The following KDM4D variants were observed in gnomAD, a reference collection of about 807,000 sequenced individuals.
The protein encoded by KDM4D is lysine demethylase 4D.
For synonymous variants in KDM4D, 254 were observed against 249.1 expected (o/e 1.02, Z -0.19); for missense variants, 427 against 674.8 (o/e 0.63, Z 4.07).
intron 2 of KDM4D, among the ~76,000 whole-genome samples, chr11:94,996,214 A>G (rs12794312): frequency 0.036 from 5,406 of 152,176 alleles, 139 homozygotes; most frequent in Non-Finnish European, 0.052. Context: ...CCTAAACCCT[A>G]TTTTTAAATG....
intron 2 of KDM4D, among the ~76,000 whole-genome samples, chr11:94,984,406 G>A (rs1555097915): frequency 6.6e-6 from 1 of 151,926 alleles, no homozygotes. Flanking sequence ...GAGGTGGGAG[G>A]ATGGCTTGAG....
chr11:94,995,148 A>G (rs1385632676), intron 2 of KDM4D, among the ~76,000 whole-genome samples: 1 of 152,230 alleles, frequency 6.6e-6, no homozygotes, highest in Non-Finnish European at 1.5e-5. Flanking sequence ...CAAGACACAG[A>G]TTATGTTCTC....
intron 2 of KDM4D, among the ~76,000 whole-genome samples, chr11:94,977,712 A>G (rs1436955759): frequency 6.6e-6 from 1 of 152,004 alleles, no homozygotes; most frequent in East Asian, 1.9e-4. Flanking sequence ...ATGACCCTAT[A>G]TAATTTAGTT....
chr11:94,990,811 G>T (rs1221748094), intron 2 of KDM4D, among the ~76,000 whole-genome samples: 7 of 152,158 alleles, frequency 4.6e-5, no homozygotes, highest in Non-Finnish European at 8.8e-5. Context: ...GGTACCTCTG[G>T]GAGTGACAGT....
chr11:94,975,134 C>G (rs1188469662), intron 1 of KDM4D, among the ~76,000 whole-genome samples: 2 of 152,130 alleles, frequency 1.3e-5, no homozygotes, highest in African/African-American at 4.8e-5. Context: ...ATTTTAGGGC[C>G]TTTGCACTAG....
At chr11:94,989,916 G>A (rs891431618) in intron 2 of KDM4D, among the ~76,000 whole-genome samples, 10 of 151,670 alleles carry the variant, frequency 6.6e-5, no homozygotes, top group Non-Finnish European at 1.2e-4. Context: ...CCACCACCAC[G>A]TCCAGCTAAT....
At chr11:94,987,142 C>T (rs782547466) in intron 2 of KDM4D, among the ~76,000 whole-genome samples, 2 of 152,016 alleles carry the variant, frequency 1.3e-5, no homozygotes, top group Admixed American at 6.6e-5. Flanking sequence ...TTAGTGGTTG[C>T]CTGGAGTTGG....
chr11:94,983,127 C>G (rs1555097751), intron 2 of KDM4D, among the ~76,000 whole-genome samples: 1 of 151,940 alleles, frequency 6.6e-6, no homozygotes, highest in Admixed American at 6.6e-5. Flanking sequence ...TTAAAACAAT[C>G]TAACATTGGC....
rs142828897 is a variant in KDM4D at position 94,993,672 on chromosome 11, A to G, written c.-349-3352A>G. Among the ~76,000 whole-genome samples the G allele has an allele frequency of 7.4e-3, 1,128 of 152,256 alleles. 11 individuals carry two copies. Among genetic ancestry groups the G allele is most frequent in the Admixed American group, 0.016 (241 of 15,288 alleles). ...AAGTAACGCAGTTTATAAAACAGAT[A>G]CAAAGTGCTCAACCCAAAGCTTATT... On this transcript the variant is annotated intron_variant, in intron 2 of 2. Coordinates refer to ENST00000335080, the MANE Select transcript of KDM4D (RefSeq NM_018039.3).
In KDM4D at chr11:94,997,475, A is replaced by G; in HGVS notation, c.103A>G (p.Ile35Val). 3 of 1,614,116 alleles carry G rather than the reference A, an allele frequency of 1.9e-6. No individual in the cohort carries two copies. Among genetic ancestry groups the G allele is most frequent in the Non-Finnish European group, 2.5e-6 (3 of 1,179,982 alleles). ...AGAGTTTAATGATTTTGATAAATAT[A>G]TTGCTTACATGGAATCCCAAGGTGC... ...KEEFNDFDKY[I>V]AYMESQGAHR... Residue 35 changes from isoleucine to valine, a missense_variant, in exon 3 of 3, where the codon ATT (isoleucine) becomes GTT (valine). Coordinates refer to ENST00000335080, the MANE Select transcript of KDM4D (RefSeq NM_018039.3).
At chr11:94,990,639 A>G (rs929774281) in intron 2 of KDM4D, among the ~76,000 whole-genome samples, 1 of 152,246 alleles carries the variant, frequency 6.6e-6, no homozygotes, top group African/African-American at 2.4e-5. Flanking sequence ...TGGTAAAGGA[A>G]AACAGGTAGT....
rs1858007779 is a variant in KDM4D at position 94,999,349 on chromosome 11, T to C, written c.*405T>C. ...CTCTTCAGTCTACGCATTTCTCTCT[T>C]CCCCTCCCTCACCCCCTTTTTCTTA... On this transcript the variant is annotated 3_prime_UTR_variant, in exon 3 of 3. Transcript: ENST00000335080. 1 of 170,762 alleles carries C rather than the reference T, an allele frequency of 5.9e-6. No individual in the cohort carries two copies. The highest frequency in any genetic ancestry group is 1.4e-5 in the Non-Finnish European group (1 of 70,920). The allele number at this position is 170,762 out of a possible 1,614,324, so 10.6% of individuals were successfully genotyped here.
intron 2 of KDM4D, among the ~76,000 whole-genome samples, chr11:94,991,609 CAA>C (rs148205509): frequency 0.11 from 16,669 of 150,978 alleles, 1,009 homozygotes; most frequent in Middle Eastern, 0.2. Context: ...ATGAAAAAGA[CAA>C]AGAGAAAGGA....
intron 2 of KDM4D, among the ~76,000 whole-genome samples, chr11:94,996,812 G>C (rs1272450681): frequency 4.6e-5 from 7 of 152,198 alleles, no homozygotes; most frequent in African/African-American, 1.7e-4. Flanking sequence ...TGTCCAAATA[G>C]TTTTCCAAAG....
rs587752295 is a variant in KDM4D, at chr11:94,995,337, C to CT, written c.-349-1685dup. ...GTTTTGAATAGGATACTATAAAGTG[C>CT]TTAATAAGGGGTCTGTCTAAATGAA... On this transcript the variant is annotated intron_variant, in intron 2 of 2. Transcript: ENST00000335080. Among the ~76,000 whole-genome samples the CT allele has an allele frequency of 8.5e-5, 13 of 152,206 alleles. 1 individual carries two copies. The South Asian group carries it at 2.7e-3, about 32-fold the overall frequency.
intron 2 of KDM4D, among the ~76,000 whole-genome samples, chr11:94,985,785 G>C (rs1857880262): frequency 6.6e-6 from 1 of 152,168 alleles, no homozygotes; most frequent in African/African-American, 2.4e-5. Context: ...ATGGTTAACT[G>C]ATTTTCAACA....
intron 2 of KDM4D, among the ~76,000 whole-genome samples, chr11:94,994,813 G>A (rs1857963545): frequency 6.6e-6 from 1 of 151,984 alleles, no homozygotes; most frequent in Admixed American, 6.6e-5. Flanking sequence ...AGGAGCCTGA[G>A]AGGAGGGAGA....
chr11:94,973,767 G>A lies in KDM4D; in HGVS notation c.-746G>A, dbSNP rs1158903441. On this transcript the variant is annotated 5_prime_UTR_variant, in exon 1 of 3. Transcript: ENST00000335080. ...CCTAAACCTCATTTTATACCTTCAA[G>A]AACCAATTACTTAATGTCTCTTCCG... The A allele has an allele frequency of 6.6e-6, 1 of 152,342 alleles. No individual in the cohort carries two copies. Among genetic ancestry groups the A allele is most frequent in the Non-Finnish European group, 1.5e-5 (1 of 68,130 alleles). 9.4% of individuals were successfully genotyped at this position (152,342 alleles called of 1,614,324 possible). A position where few individuals can be genotyped will look rare whatever the true frequency, so the allele number is the denominator to read the frequency against.
intron 2 of KDM4D, among the ~76,000 whole-genome samples, chr11:94,989,543 G>A (rs1263015437): frequency 1.3e-5 from 2 of 152,060 alleles, no homozygotes; most frequent in African/African-American, 2.4e-5. Flanking sequence ...TAAGATGCTG[G>A]ATTTAAAGGC....
Sources: gnomAD v4.1 joint callset for allele counts (sites outside exome capture counted in the v4.1 genomes callset) on GRCh38, gnomAD v4.1.1 for gene constraint, MANE v1.5 for transcripts, NCBI Gene and HGNC (gene_info 2026-07-23, HGNC 2026-07-21) for gene names.